Variants in LMAN1 observed in about 807,000 individuals in gnomAD.
LMAN1 encodes the protein lectin, mannose binding 1.
A neutral mutation model predicts 67.8 loss-of-function variants in LMAN1; 32 were observed. The ratio of observed to expected loss-of-function variants is 0.47; its 90% CI spans 0.36 to 0.63. The LOEUF (loss-of-function observed/expected upper bound fraction) is 0.63. LMAN1 is among the 30% of genes least tolerant of loss of function. LMAN1 has a pLI of 0.00. For synonymous variants in LMAN1, 235 were observed against 219.3 expected (o/e 1.07, Z -0.63); for missense variants, 632 against 628.2 (o/e 1.01, Z -0.06).
At chr18:59,353,837 T>C (rs1353873294) in intron 4 of LMAN1, among the ~76,000 whole-genome samples, 1 of 152,212 alleles carries the variant, frequency 6.6e-6, no homozygotes, top group Non-Finnish European at 1.5e-5. Flanking sequence ...AAGTCCCTTA[T>C]ATAAAATGGC....
intron 5 of LMAN1, among the ~76,000 whole-genome samples, chr18:59,349,856 G>A (rs1191525624): frequency 1.3e-5 from 2 of 152,208 alleles, no homozygotes; most frequent in African/African-American, 4.8e-5. Context: ...GGCAAGCACA[G>A]GAATCCACCT....
In LMAN1 at chr18:59,353,073, T is replaced by C. The variant is rs187389059; in HGVS notation, c.639+129A>G. Reference sequence around the variant, plus strand: ...GAGCTGTGAAGCCACCTCCGTTCTCTTAGAGTAACAATGAAGAGTATGTAA... The same window carrying C: ...GAGCTGTGAAGCCACCTCCGTTCTCCTAGAGTAACAATGAAGAGTATGTAA... On this transcript the variant is annotated intron_variant, in intron 5 of 12. Transcript: ENST00000251047. 1.1e-5 allele frequency: 9 copies of C among 805,156 alleles called. No homozygotes were observed. In the East Asian group the frequency reaches 2.4e-4, roughly 22 times the overall value. The allele number at this position is 805,156 out of a possible 1,614,324, so 49.9% of individuals were successfully genotyped here. A position where few individuals can be genotyped will look rare whatever the true frequency, so the allele number is the denominator to read the frequency against.
At chr18:59,354,673 T>C (rs974385593) in intron 3 of LMAN1, 93 bp from the exon 4 acceptor site, 1 of 641,176 alleles carries the variant, frequency 1.6e-6, no homozygotes, top group Non-Finnish European at 2.7e-6. Context: ...ATATCTAAGA[T>C]TCTAGGACTC....
rs765287063 is a variant in LMAN1, at chr18:59,346,052, CT to C, written c.823-2del. 3.1e-5 allele frequency: 49 copies of C among 1,603,124 alleles called. No individual in the cohort carries two copies. Among genetic ancestry groups the C allele is most frequent in the South Asian group, 3.4e-5 (3 of 89,518 alleles). On this transcript the variant is annotated splice_acceptor_variant, in intron 7 of 12. Coordinates refer to ENST00000251047, the MANE Select transcript of LMAN1 (RefSeq NM_005570.4). LOFTEE classifies it high-confidence loss of function. The stretch of plus-strand genomic sequence containing the variant: ...CCGAAATTTCTTTATCTGGTGTGGG[CT>C]TTTTTTTGGAGTTTTGGAATAGATC...
intron 8 of LMAN1, among the ~76,000 whole-genome samples, chr18:59,341,996 C>T (rs901706555): frequency 1.3e-5 from 2 of 151,904 alleles, no homozygotes; most frequent in Non-Finnish European, 2.9e-5. Flanking sequence ...AAGAAGGAGA[C>T]ATTACAACAG....
chr18:59,336,121 AC>A (rs2144212106), intron 10 of LMAN1, among the ~76,000 whole-genome samples: 1 of 152,266 alleles, frequency 6.6e-6, no homozygotes, highest in East Asian at 1.9e-4. Flanking sequence ...GGAACTACAG[AC>A]TCATGTACAT....
In LMAN1 at chr18:59,330,965, C is replaced by A; in HGVS notation, c.*128G>T. The stretch of plus-strand genomic sequence containing the variant: ...TTAAGGTTTATTCTTAACTGCAAAT[C>A]AATGTTTAAACAGTTATTTTATTAA... On this transcript the variant is annotated 3_prime_UTR_variant, in exon 13 of 13. Transcript: ENST00000251047. The A allele has an allele frequency of 1.5e-6, 1 of 687,276 alleles. No homozygotes were observed. Among genetic ancestry groups the A allele is most frequent in the Non-Finnish European group, 2.6e-6 (1 of 391,414 alleles). 42.6% of individuals were successfully genotyped at this position (687,276 alleles called of 1,614,324 possible).
chr18:59,349,359 G>C, intron 5 of LMAN1, 123 bp from the exon 6 acceptor site: 8 of 891,730 alleles, frequency 9.0e-6, no homozygotes, highest in Non-Finnish European at 1.4e-5. Flanking sequence ...TTTAAATAAC[G>C]TTTCCTACTT....
chr18:59,358,523 T>C (rs1408220664), intron 1 of LMAN1, among the ~76,000 whole-genome samples: 3 of 148,572 alleles, frequency 2.0e-5, no homozygotes, highest in Non-Finnish European at 4.4e-5. Flanking sequence ...TCAGTGGGCA[T>C]GGGGTTCAAG....
chr18:59,338,907 G>A lies in LMAN1; in HGVS notation c.1002C>T (p.Val334=), dbSNP rs1205928490. 6.2e-7 allele frequency: 1 copy of A among 1,613,518 alleles called. No homozygotes were observed. The highest frequency in any genetic ancestry group is 1.1e-5 in the South Asian group (1 of 91,060). ...ESVGDRELRQ[V]FEGQNRIHLE... Reference sequence around the variant, plus strand: ...GATGAATACGATTCTGTCCTTCAAAGACTTGTCTTAGCTCTCGATCTCCTA... The same window carrying A: ...GATGAATACGATTCTGTCCTTCAAAAACTTGTCTTAGCTCTCGATCTCCTA... Residue 334 remains valine, a synonymous_variant, in exon 9 of 13, where the codon GTC becomes GTT. Coordinates refer to ENST00000251047, the MANE Select transcript of LMAN1 (RefSeq NM_005570.4).
Position 59,354,540 on chromosome 18 carries a change from T to C in LMAN1, c.518A>G (p.Gln173Arg). The C allele has an allele frequency of 6.6e-7, 1 of 1,513,756 alleles. No homozygotes were observed. Among genetic ancestry groups the C allele is most frequent in the African/African-American group, 1.4e-5 (1 of 73,256 alleles). The allele number at this position is 1,513,756 out of a possible 1,614,324, so 93.8% of individuals were successfully genotyped here. Residue 173 changes from glutamine to arginine, a missense_variant, in exon 4 of 13, where the codon CAA becomes CGA. Coordinates refer to ENST00000251047, the MANE Select transcript of LMAN1 (RefSeq NM_005570.4). The part of the protein sequence containing the change: ...PAIVIIGNNG[Q>R]IHYDHQNDGA... ...TTACTTTTGATGGTCATAATGGATT[T>C]GTCCATTGTTGCCTATAATTACTAT...
chr18:59,333,056 A>T, intron 11 of LMAN1, 35 bp downstream of exon 11: 1 of 1,561,304 alleles, frequency 6.4e-7, no homozygotes. Flanking sequence ...TTTCCTAAAG[A>T]TTATAATTAT....
At chr18:59,345,125 C>A (rs1301618624) in intron 8 of LMAN1, among the ~76,000 whole-genome samples, 1 of 152,088 alleles carries the variant, frequency 6.6e-6, no homozygotes, top group Non-Finnish European at 1.5e-5. Flanking sequence ...TAAGAATGAC[C>A]TTTATGTTTC....
intron 12 of LMAN1, 143 bp downstream of exon 12, chr18:59,331,275 G>A: frequency 9.2e-7 from 1 of 1,083,520 alleles, no homozygotes; most frequent in Non-Finnish European, 1.4e-6. Context: ...TGCACTTTAT[G>A]TGAACTGAAA....
Position 59,343,609 on chromosome 18 carries a change from T to G in LMAN1, c.955+2310A>C, listed in dbSNP as rs538125357. Among the ~76,000 whole-genome samples, 3 of 152,152 alleles carry G rather than the reference T, an allele frequency of 2.0e-5. No individual in the cohort carries two copies. In the South Asian group the frequency reaches 6.2e-4, roughly 32 times the overall value. ...AATTGAATAGCTATATATAGAAGAA[T>G]GCAAGTGGACCCATACTTCTCACCA... On this transcript the variant is annotated intron_variant, in intron 8 of 12. Transcript: ENST00000251047.
chr18:59,333,889 A>G (rs1313597387), intron 10 of LMAN1, among the ~76,000 whole-genome samples: 1 of 152,152 alleles, frequency 6.6e-6, no homozygotes, highest in African/African-American at 2.4e-5. Flanking sequence ...TAAAAATAAC[A>G]CTATATGTCA....
At chr18:59,355,286 G>T in intron 3 of LMAN1, 27 bp downstream of exon 3, 1 of 1,504,270 alleles carries the variant, frequency 6.6e-7, no homozygotes, top group African/African-American at 1.4e-5. Flanking sequence ...GTATTAAAGT[G>T]GATAACAGTC....
intron 10 of LMAN1, among the ~76,000 whole-genome samples, chr18:59,334,471 G>A (rs1228740262): frequency 6.6e-6 from 1 of 152,204 alleles, no homozygotes; most frequent in Non-Finnish European, 1.5e-5. Context: ...AAATGAAGAG[G>A]AGCCTATGGG....
intron 10 of LMAN1, 147 bp downstream of exon 10, chr18:59,338,410 T>C: frequency 1.4e-6 from 1 of 697,842 alleles, no homozygotes; most frequent in Non-Finnish European, 2.6e-6. Context: ...GTTGCTGTAT[T>C]TATGGTCCCC....
Sources: allele counts gnomAD v4.1 joint callset (sites outside exome capture counted in the v4.1 genomes callset), GRCh38; gene constraint gnomAD v4.1.1; transcripts MANE v1.5; gene names NCBI Gene and HGNC (gene_info 2026-07-23, HGNC 2026-07-21).